The following GPSM2 variants were observed in gnomAD, a reference collection of about 807,000 sequenced individuals.
GPSM2 encodes the protein G protein-signaling modulator 2.
Under a neutral mutation model 78.4 loss-of-function variants are expected in GPSM2, and 58 were observed. The observed-to-expected ratio is 0.74, with a 90% CI of 0.60 to 0.92. The LOEUF (loss-of-function observed/expected upper bound fraction) is 0.92, where lower values mean the gene tolerates loss of function less well. Among genes scored for constraint, GPSM2 ranks in the 40% least tolerant of loss-of-function variants. The pLI is 0.00. For missense variants in GPSM2, 700 were observed against 815.5 expected (o/e 0.86, Z 1.73); for synonymous variants, 224 against 280.2 (o/e 0.80, Z 2.00).
In GPSM2 at chr1:108,918,753, T is replaced by A; in HGVS notation, c.1404T>A (p.Ser468Arg). 2 of 1,613,746 alleles carry A rather than the reference T, an allele frequency of 1.2e-6. No individual in the cohort carries two copies. The highest frequency in any genetic ancestry group is 1.7e-6 in the Non-Finnish European group (2 of 1,179,676). Residue 468 changes from serine (S) to arginine (R), a missense_variant, in exon 12 of 15, where the codon AGT becomes AGA. By Grantham distance (110) the Ser-to-Arg change is moderately radical (BLOSUM62 -1). Transcript: ENST00000264126. ...NSSTKVLQDA[S>R]NSIDHRIPNS... is the part of the protein sequence containing the mutation. ...CCACTAAAGTTCTCCAAGATGCCAG[T>A]AATTCTATTGACCACCGAATTCCAA...
intron 14 of GPSM2, among the ~76,000 whole-genome samples, chr1:108,929,240 A>G (rs1289025355): frequency 6.6e-6 from 1 of 152,144 alleles, no homozygotes; most frequent in Non-Finnish European, 1.5e-5. Context: ...ACTGGGTTAC[A>G]GTTTGCTGTC....
chr1:108,889,337 A>C, intron 2 of GPSM2, among the ~76,000 whole-genome samples: 1 of 152,204 alleles, frequency 6.6e-6, no homozygotes, highest in South Asian at 2.1e-4. Flanking sequence ...GAACTTTTTA[A>C]AAGAGGCAAA....
chr1:108,890,147 A>G (rs970908596), intron 2 of GPSM2, among the ~76,000 whole-genome samples: 12 of 152,084 alleles, frequency 7.9e-5, no homozygotes, highest in African/African-American at 2.9e-4. Context: ...CTTTCTTAGC[A>G]CCAACTGTAT....
At chr1:108,880,487 G>A (rs376431238) in intron 1 of GPSM2, among the ~76,000 whole-genome samples, 19 of 151,982 alleles carry the variant, frequency 1.3e-4, no homozygotes, top group African/African-American at 4.6e-4. Flanking sequence ...GGCTGAGAGA[G>A]GAGAATCACT....
intron 10 of GPSM2, among the ~76,000 whole-genome samples, chr1:108,913,958 A>G (rs995821906): frequency 2.0e-5 from 3 of 152,188 alleles, no homozygotes; most frequent in African/African-American, 4.8e-5. Flanking sequence ...TTTTCACGCA[A>G]TTGAAGGCCT....
chr1:108,927,693 C>T (rs906986402), intron 14 of GPSM2, among the ~76,000 whole-genome samples: 1 of 152,112 alleles, frequency 6.6e-6, no homozygotes, highest in Non-Finnish European at 1.5e-5. Context: ...TCAAGAGGAG[C>T]ATGTGGTGGC....
chr1:108,917,793 C>A (rs1418546345), intron 11 of GPSM2, among the ~76,000 whole-genome samples: 4 of 150,376 alleles, frequency 2.7e-5, no homozygotes, highest in Non-Finnish European at 5.9e-5. Context: ...AGCTACATGT[C>A]TCACTCCCCT....
At chr1:108,879,449 A>G (rs1227340611) in intron 1 of GPSM2, among the ~76,000 whole-genome samples, 1 of 152,134 alleles carries the variant, frequency 6.6e-6, no homozygotes, top group Non-Finnish European at 1.5e-5. Flanking sequence ...TTCCTGCCTT[A>G]TATGTTGCTG....
chr1:108,885,211 G>A (rs1475605583), intron 1 of GPSM2, 64 bp from the exon 2 acceptor site: 1 of 269,544 alleles, frequency 3.7e-6, no homozygotes, highest in Non-Finnish European at 7.1e-6. Context: ...TACAGCTCAG[G>A]GTTACTGTAG....
intron 2 of GPSM2, among the ~76,000 whole-genome samples, chr1:108,892,985 C>T (rs1017380346): frequency 1.3e-5 from 2 of 152,170 alleles, no homozygotes; most frequent in African/African-American, 4.8e-5. Flanking sequence ...ACTACATGGA[C>T]TTCAAGGACA....
intron 1 of GPSM2, among the ~76,000 whole-genome samples, chr1:108,878,057 CA>C (rs1358861571): frequency 1.3e-5 from 2 of 152,094 alleles, no homozygotes; most frequent in Non-Finnish European, 2.9e-5. Context: ...TCAGCAGGAC[CA>C]ACAGAGCTGA....
chr1:108,889,093 T>A (rs539475366), intron 2 of GPSM2, among the ~76,000 whole-genome samples: 3 of 152,200 alleles, frequency 2.0e-5, no homozygotes, highest in Non-Finnish European at 4.4e-5. Context: ...AAAGGCTTGT[T>A]CCCCGGTGCT....
intron 2 of GPSM2, among the ~76,000 whole-genome samples, chr1:108,888,346 T>A (rs1647726503): frequency 6.6e-6 from 1 of 151,500 alleles, no homozygotes; most frequent in African/African-American, 2.4e-5. Context: ...GCCACTGCAC[T>A]TGGCCTTTTT....
chr1:108,907,037 A>G (rs1351748466), intron 10 of GPSM2, among the ~76,000 whole-genome samples: 1 of 152,162 alleles, frequency 6.6e-6, no homozygotes, highest in Non-Finnish European at 1.5e-5. Context: ...CGGAATCCTC[A>G]GTCCTCACCA....
In GPSM2 at chr1:108,931,628, TA is replaced by T. The variant is rs71593448; in HGVS notation, c.*1703del. 138,898 of 796,108 alleles carry T rather than the reference TA, an allele frequency of 0.17. 1 individual carries two copies. Among genetic ancestry groups the T allele is most frequent in the East Asian group, 0.28 (8,080 of 28,664 alleles). The allele number at this position is 796,108 out of a possible 1,614,324, so 49.3% of individuals were successfully genotyped here. ...GAATTAATTACATTAAGTGCTCAGC[TA>T]AAAAAAAAAAAAAAGTTCTAAATTA... is the stretch of plus-strand genomic sequence containing the variant. On this transcript the variant is annotated 3_prime_UTR_variant, in exon 15 of 15. Transcript: ENST00000264126.
At chr1:108,891,480 A>G (rs191491804) in intron 2 of GPSM2, among the ~76,000 whole-genome samples, 10 of 152,130 alleles carry the variant, frequency 6.6e-5, no homozygotes, top group African/African-American at 2.2e-4. Context: ...AGCAATACCT[A>G]TCTTAGAAGG....
chr1:108,928,310 G>A (rs1258920750), intron 14 of GPSM2, among the ~76,000 whole-genome samples: 3 of 152,236 alleles, frequency 2.0e-5, no homozygotes, highest in Admixed American at 6.5e-5. Context: ...GGCTAAGGCC[G>A]AAGTGAAGGA....
intron 14 of GPSM2, among the ~76,000 whole-genome samples, chr1:108,928,807 G>A (rs1180141390): frequency 2.0e-5 from 3 of 151,998 alleles, no homozygotes; most frequent in African/African-American, 7.2e-5. Flanking sequence ...TGGCCAACAT[G>A]GTGAAACCCC....
chr1:108,894,014 A>C (rs1163975037), intron 2 of GPSM2, among the ~76,000 whole-genome samples: 1 of 152,130 alleles, frequency 6.6e-6, no homozygotes, highest in East Asian at 1.9e-4. Flanking sequence ...ATTGCGCTCC[A>C]GCCTGGGTGA....
Sources: allele counts gnomAD v4.1 joint callset (sites outside exome capture counted in the v4.1 genomes callset), GRCh38; gene constraint gnomAD v4.1.1; transcripts MANE v1.5; gene names NCBI Gene and HGNC (gene_info 2026-07-23, HGNC 2026-07-21).